The following NPSR1 variants were observed in gnomAD, a reference collection of about 807,000 sequenced individuals.
NPSR1 encodes neuropeptide S receptor 1.
NPSR1 carries 48 observed loss-of-function variants against 46.9 expected under a neutral mutation model. The ratio of observed to expected loss-of-function variants is 1.02; its 90% CI spans 0.81 to 1.30. The LOEUF (loss-of-function observed/expected upper bound fraction) is 1.30. Ranked by LOEUF, NPSR1 falls within the 50% of genes most tolerant of loss-of-function variation. NPSR1 has a pLI of 0.00. For synonymous variants in NPSR1, 176 were observed against 168.1 expected (o/e 1.05, Z -0.36); for missense variants, 450 against 449.5 (o/e 1.00, Z -0.01).
chr7:34,801,496 A>G (rs1362807999), intron 3 of NPSR1, among the ~76,000 whole-genome samples: 1 of 119,800 alleles, frequency 8.3e-6, no homozygotes, highest in East Asian at 2.3e-4. Context: ...GATGCAGAAA[A>G]GGCCTTTGAC....
At chr7:34,682,541 G>A (rs1337332104) in intron 1 of NPSR1, among the ~76,000 whole-genome samples, 1 of 152,180 alleles carries the variant, frequency 6.6e-6, no homozygotes. Context: ...TAGTCTGCAA[G>A]TTGTTCCAGT....
intron 3 of NPSR1, among the ~76,000 whole-genome samples, chr7:34,790,727 T>C (rs1352462750): frequency 9.1e-5 from 12 of 131,800 alleles, no homozygotes; most frequent in African/African-American, 3.4e-4. Flanking sequence ...ATATATGTTA[T>C]ATGTTATATG....
chr7:34,755,052 T>C (rs1785754133), intron 2 of NPSR1, among the ~76,000 whole-genome samples: 1 of 152,256 alleles, frequency 6.6e-6, no homozygotes. Flanking sequence ...CAGTGGTTTT[T>C]ACCTTTTGGC....
chr7:34,872,284 G>C (rs1355525100), intron 8 of NPSR1, among the ~76,000 whole-genome samples: 1 of 151,982 alleles, frequency 6.6e-6, no homozygotes, highest in Non-Finnish European at 1.5e-5. Flanking sequence ...CAGTGTGGCA[G>C]CACAGGGAAG....
intron 1 of NPSR1, among the ~76,000 whole-genome samples, chr7:34,676,770 G>A (rs1355369295): frequency 6.6e-6 from 1 of 152,096 alleles, no homozygotes; most frequent in Non-Finnish European, 1.5e-5. Context: ...AATCAACATG[G>A]CTCTTAGGAA....
intron 1 of NPSR1, among the ~76,000 whole-genome samples, chr7:34,676,720 T>G (rs1484639199): frequency 1.3e-5 from 2 of 152,046 alleles, no homozygotes; most frequent in African/African-American, 4.8e-5. Context: ...TGGCATAGAG[T>G]AGGAAATTAA....
intron 8 of NPSR1, among the ~76,000 whole-genome samples, chr7:34,865,534 G>C (rs1346345443): frequency 2.0e-5 from 3 of 151,716 alleles, no homozygotes; most frequent in Non-Finnish European, 2.9e-5. Context: ...AATAATCACA[G>C]CGCCACATGG....
intron 2 of NPSR1, among the ~76,000 whole-genome samples, chr7:34,777,666 T>C (rs1232901895): frequency 1.3e-5 from 2 of 152,136 alleles, no homozygotes; most frequent in African/African-American, 4.8e-5. Context: ...CCTTCTATTC[T>C]GCAACCTTGC....
chr7:34,865,338 A>G (rs1791286474), intron 8 of NPSR1, among the ~76,000 whole-genome samples: 2 of 151,806 alleles, frequency 1.3e-5, no homozygotes, highest in African/African-American at 2.4e-5. Context: ...TGTGGCAGGA[A>G]GTGAACTGCT....
At chr7:34,780,187 C>A (rs1293404142) in intron 3 of NPSR1, among the ~76,000 whole-genome samples, 1 of 152,086 alleles carries the variant, frequency 6.6e-6, no homozygotes, top group African/African-American at 2.4e-5. Flanking sequence ...TTTGGTTGTA[C>A]AAATCAACTT....
chr7:34,847,249 C>A (rs1177649549), intron 7 of NPSR1, among the ~76,000 whole-genome samples: 4 of 152,048 alleles, frequency 2.6e-5, no homozygotes, highest in African/African-American at 9.7e-5. Context: ...GCCAAGGAAG[C>A]CAAACTTCTA....
chr7:34,838,525 G>A (rs751954557), intron 6 of NPSR1, among the ~76,000 whole-genome samples: 1 of 152,112 alleles, frequency 6.6e-6, no homozygotes, highest in South Asian at 2.1e-4. Flanking sequence ...AGGTAAATCG[G>A]ATCTCCAGCT....
chr7:34,839,145 C>A (rs528150368), intron 6 of NPSR1, among the ~76,000 whole-genome samples: 44 of 152,254 alleles, frequency 2.9e-4, no homozygotes, highest in Middle Eastern at 3.4e-3. Flanking sequence ...GGCTTCTCTA[C>A]AATTAACTAC....
chr7:34,673,466 C>T (rs1752346138), intron 1 of NPSR1, among the ~76,000 whole-genome samples: 1 of 152,186 alleles, frequency 6.6e-6, no homozygotes, highest in Non-Finnish European at 1.5e-5. Flanking sequence ...TGGATAAATG[C>T]CTTTCCCTCT....
intron 8 of NPSR1, among the ~76,000 whole-genome samples, chr7:34,871,318 G>A (rs968755304): frequency 1.3e-5 from 2 of 151,470 alleles, no homozygotes; most frequent in Non-Finnish European, 2.9e-5. Flanking sequence ...TAGGGGATGG[G>A]GCTAAGACAG....
At chr7:34,726,030 A>G (rs2128710784) in intron 2 of NPSR1, among the ~76,000 whole-genome samples, 1 of 152,200 alleles carries the variant, frequency 6.6e-6, no homozygotes, top group East Asian at 1.9e-4. Flanking sequence ...TCTAAATCAT[A>G]TGTGGAGCTG....
rs1424178803 is a variant in NPSR1 at position 34,658,416 on chromosome 7, C to T, written c.4C>T (p.Pro2Ser). The T allele has an allele frequency of 6.2e-7, 1 of 1,613,822 alleles. No homozygotes were observed. The highest frequency in any genetic ancestry group is 1.7e-5 in the Admixed American group (1 of 60,020). The part of the protein sequence containing the change: M[P>S]ANFTEGSFDS... Reference sequence around the variant, plus strand: ...GAGGCTCAACCCCGCCTGAGCCATGCCAGCCAACTTCACAGAGGGCAGCTT... The same window carrying T: ...GAGGCTCAACCCCGCCTGAGCCATGTCAGCCAACTTCACAGAGGGCAGCTT... The change falls in exon 1 of 9, where the codon CCA (proline) becomes TCA (serine). Residue 2 changes from proline to serine, a missense_variant. Physicochemically the swap from Pro to Ser is moderately conservative, Grantham distance 74 (BLOSUM62 -1). Transcript: ENST00000360581.
rs1248814214 is a variant in NPSR1, at chr7:34,734,580, C to T, written c.281-43882C>T. ...TGGGAGTGGCAATCAGCAAGGAAAACCTCTATTACTCCAAAAATAATCTTT... is the reference window on the plus strand; with the variant it reads ...TGGGAGTGGCAATCAGCAAGGAAAATCTCTATTACTCCAAAAATAATCTTT... On this transcript the variant is annotated intron_variant, in intron 2 of 8. Coordinates refer to ENST00000360581, the MANE Select transcript of NPSR1 (RefSeq NM_207172.2). Among the ~76,000 whole-genome samples the T allele has an allele frequency of 2.6e-5, 4 of 152,102 alleles. No individual in the cohort carries two copies. The South Asian group carries it at 8.3e-4, about 32-fold the overall frequency.
chr7:34,857,779 A>G (rs1288673932), intron 8 of NPSR1, among the ~76,000 whole-genome samples: 1 of 151,818 alleles, frequency 6.6e-6, no homozygotes, highest in Non-Finnish European at 1.5e-5. Context: ...ATGGAAAATG[A>G]CATTTGCAAA....
Sources: gnomAD v4.1 joint callset for allele counts (sites outside exome capture counted in the v4.1 genomes callset) on GRCh38, gnomAD v4.1.1 for gene constraint, MANE v1.5 for transcripts, NCBI Gene and HGNC (gene_info 2026-07-23, HGNC 2026-07-21) for gene names.